ADAMTSL1: variants seen among roughly 807,000 people sequenced by gnomAD.
The protein encoded by ADAMTSL1 is ADAMTS like 1, also known as ADAMTS-like protein 1.
ADAMTSL1 carries 126 observed loss-of-function variants against 201.8 expected under a neutral mutation model. The observed-to-expected ratio is 0.62, with a 90% CI of 0.54 to 0.72. The LOEUF is 0.72. Ranked by LOEUF, ADAMTSL1 falls within the 30% of genes least tolerant of loss-of-function variation. The probability of loss-of-function intolerance (pLI) is 0.00; values close to 1 mark genes in which losing one functional copy is unlikely to be tolerated. For synonymous variants in ADAMTSL1, 1,121 were observed against 903.4 expected (o/e 1.24, Z -4.32); for missense variants, 2,679 against 2,277.8 (o/e 1.18, Z -3.59).
At chr9:18,303,541 C>T (rs1453312263) in intron 2 of ADAMTSL1, among the ~76,000 whole-genome samples, 1 of 152,172 alleles carries the variant, frequency 6.6e-6, no homozygotes, top group Non-Finnish European at 1.5e-5. Context: ...TAAAGGTCAA[C>T]AGAGTCACTG....
intron 1 of ADAMTSL1, among the ~76,000 whole-genome samples, chr9:18,067,076 A>G (rs7864154): frequency 0.052 from 7,896 of 152,200 alleles, 615 homozygotes; most frequent in African/African-American, 0.17. Flanking sequence ...AGCATGGCAC[A>G]TGTACACATA....
At chr9:18,415,002 A>G (rs1464842641) in intron 2 of ADAMTSL1, among the ~76,000 whole-genome samples, 1 of 152,224 alleles carries the variant, frequency 6.6e-6, no homozygotes, top group Admixed American at 6.5e-5. Context: ...ATTAGCCCCA[A>G]TCTAAATACA....
intron 13 of ADAMTSL1, 167 bp downstream of exon 13, chr9:18,684,967 A>G: frequency 7.2e-7 from 1 of 1,387,744 alleles, no homozygotes; most frequent in Non-Finnish European, 9.3e-7. Flanking sequence ...AGTGTTTGTC[A>G]AAGCTGATGA....
chr9:18,383,382 G>A (rs9407902), intron 2 of ADAMTSL1, among the ~76,000 whole-genome samples: 65,307 of 151,756 alleles, frequency 0.43, 14,740 homozygotes, highest in East Asian at 0.61. Flanking sequence ...ATTTGAGTAC[G>A]TGTTTAAGGC....
At chr9:18,805,448 T>C (rs1363201437) in intron 20 of ADAMTSL1, among the ~76,000 whole-genome samples, 4 of 152,204 alleles carry the variant, frequency 2.6e-5, no homozygotes, top group African/African-American at 7.2e-5. Flanking sequence ...AGTTTTGCCA[T>C]TGTGTTATAG....
chr9:17,907,949 T>G (rs1436551681), intron 1 of ADAMTSL1, among the ~76,000 whole-genome samples: 1 of 152,170 alleles, frequency 6.6e-6, no homozygotes, highest in Non-Finnish European at 1.5e-5. Flanking sequence ...AGCCTCCCTT[T>G]CCTCTGTTTT....
chr9:18,179,345 G>A (rs1234031167), intron 2 of ADAMTSL1, among the ~76,000 whole-genome samples: 6 of 152,232 alleles, frequency 3.9e-5, no homozygotes, highest in Non-Finnish European at 5.9e-5. Flanking sequence ...AAAAAGAAAC[G>A]AGCGAAGCCT....
intron 2 of ADAMTSL1, among the ~76,000 whole-genome samples, chr9:18,245,447 G>A (rs1460561295): frequency 1.3e-5 from 2 of 152,140 alleles, no homozygotes; most frequent in Non-Finnish European, 2.9e-5. Flanking sequence ...CTCGGGGTTT[G>A]TGACTGCCTT....
rs573625525 is a variant in ADAMTSL1 at position 18,519,706 on chromosome 9, C to A, written c.192-13541C>A. On this transcript the variant is annotated intron_variant, in intron 2 of 28. Transcript: ENST00000380548. ...ACCCAATGAATGTGTTAAGTGACTG[C>A]AAATTGGAAAACATTATACAAAAAG... 7.9e-5 allele frequency among the ~76,000 whole-genome samples: 12 copies of A among 152,320 alleles called. No homozygotes were observed. In the South Asian group the frequency reaches 2.5e-3, roughly 32 times the overall value.
At chr9:18,843,736 T>G (rs1259865312) in intron 23 of ADAMTSL1, among the ~76,000 whole-genome samples, 1 of 150,874 alleles carries the variant, frequency 6.6e-6, no homozygotes, top group East Asian at 1.9e-4. Flanking sequence ...GTTCATTTCT[T>G]TTTATTCTTT....
At chr9:18,211,498 A>G (rs186909209) in intron 2 of ADAMTSL1, among the ~76,000 whole-genome samples, 1 of 152,292 alleles carries the variant, frequency 6.6e-6, no homozygotes, top group East Asian at 1.9e-4. Context: ...ACAGCAAACA[A>G]AACAAAAAAC....
chr9:18,120,190 A>G (rs768031025), intron 1 of ADAMTSL1, among the ~76,000 whole-genome samples: 53 of 152,114 alleles, frequency 3.5e-4, no homozygotes, highest in Non-Finnish European at 6.8e-4. Flanking sequence ...GTTCACTCAC[A>G]TGGTCAATGA....
At chr9:18,047,058 T>C in intron 1 of ADAMTSL1, among the ~76,000 whole-genome samples, 1 of 152,054 alleles carries the variant, frequency 6.6e-6, no homozygotes, top group South Asian at 2.1e-4. Flanking sequence ...CATAGGATAA[T>C]GGGGCCTTAA....
chr9:18,277,592 C>T (rs769764896), intron 2 of ADAMTSL1, among the ~76,000 whole-genome samples: 3 of 152,112 alleles, frequency 2.0e-5, no homozygotes, highest in Non-Finnish European at 4.4e-5. Context: ...AGTTTAGCCA[C>T]CTCTGCTCTC....
intron 1 of ADAMTSL1, among the ~76,000 whole-genome samples, chr9:18,009,095 C>T (rs1436623139): frequency 6.6e-6 from 1 of 151,956 alleles, no homozygotes; most frequent in Non-Finnish European, 1.5e-5. Flanking sequence ...GTCATTCATG[C>T]CCTTACTCAT....
At chr9:18,556,598 A>G (rs748201435) in intron 3 of ADAMTSL1, among the ~76,000 whole-genome samples, 1 of 151,954 alleles carries the variant, frequency 6.6e-6, no homozygotes, top group Non-Finnish European at 1.5e-5. Context: ...GGACAATCTA[A>G]AAGCACTGGG....
At chr9:18,019,658 G>T (rs1184170255) in intron 1 of ADAMTSL1, among the ~76,000 whole-genome samples, 3 of 152,100 alleles carry the variant, frequency 2.0e-5, no homozygotes, top group African/African-American at 7.2e-5. Flanking sequence ...TAATAGAGTT[G>T]AAATCAAGTG....
intron 4 of ADAMTSL1, among the ~76,000 whole-genome samples, chr9:18,579,404 G>C (rs1269803151): frequency 6.7e-6 from 1 of 148,310 alleles, no homozygotes; most frequent in East Asian, 2.0e-4. Flanking sequence ...TAGATGACGA[G>C]TTAGTGGGTG....
At chr9:18,506,585 T>C (rs1817676927) in intron 2 of ADAMTSL1, among the ~76,000 whole-genome samples, 1 of 99,452 alleles carries the variant, frequency 1.0e-5, no homozygotes, top group Non-Finnish European at 2.3e-5. Flanking sequence ...ATTGATGCCA[T>C]GCGAAATTCA....
Sources: allele counts gnomAD v4.1 joint callset (sites outside exome capture counted in the v4.1 genomes callset), GRCh38; gene constraint gnomAD v4.1.1; transcripts MANE v1.5; gene names NCBI Gene and HGNC (gene_info 2026-07-23, HGNC 2026-07-21).